Variants in NBAS observed in about 807,000 individuals in gnomAD.
NBAS encodes NAG/BC035112 fusion.
NBAS carries 219 observed loss-of-function variants against 302.5 expected under a neutral mutation model. The ratio of observed to expected loss-of-function variants is 0.72; its 90% CI spans 0.65 to 0.81. The LOEUF (loss-of-function observed/expected upper bound fraction) is 0.81, where lower values mean the gene tolerates loss of function less well. Among genes scored for constraint, NBAS ranks in the 30% least tolerant of loss-of-function variants. NBAS has a pLI of 0.00. For missense variants in NBAS, 2,932 were observed against 2,841.6 expected, an observed-to-expected ratio of 1.03 and a Z score of -0.72; for synonymous variants, 1,118 against 1,021.6, an observed-to-expected ratio of 1.09 and a Z score of -1.80.
intron 28 of NBAS, among the ~76,000 whole-genome samples, chr2:15,393,300 T>C (rs1409828519): frequency 6.6e-6 from 1 of 151,976 alleles, no homozygotes; most frequent in Non-Finnish European, 1.5e-5. Flanking sequence ...GCAAAGCATA[T>C]ATCTAATAAA....
chr2:15,129,689 C>T, the NBAS span, among the ~76,000 whole-genome samples: 1 of 152,218 alleles, frequency 6.6e-6, no homozygotes, highest in Non-Finnish European at 1.5e-5. Flanking sequence ...TGGACATTCT[C>T]AGAACCTGGC....
chr2:15,034,039 G>GAA, the NBAS span, among the ~76,000 whole-genome samples: 15 of 84,592 alleles, frequency 1.8e-4, no homozygotes, highest in Non-Finnish European at 2.7e-4. Flanking sequence ...GGAGGAGGAA[G>GAA]GAGGAGGAGG....
At chr2:14,846,729 A>G in the NBAS span, among the ~76,000 whole-genome samples, 1 of 152,174 alleles carries the variant, frequency 6.6e-6, no homozygotes, top group African/African-American at 2.4e-5. Context: ...TTATGAAAAG[A>G]GAATTAAGTT....
chr2:15,080,967 G>A, the NBAS span, among the ~76,000 whole-genome samples: 1 of 152,018 alleles, frequency 6.6e-6, no homozygotes, highest in African/African-American at 2.4e-5. Flanking sequence ...AGCCCTTGAT[G>A]GACAGCTGCC....
At chr2:15,455,978 T>A (rs1205610057) in intron 21 of NBAS, among the ~76,000 whole-genome samples, 1 of 152,100 alleles carries the variant, frequency 6.6e-6, no homozygotes, top group Non-Finnish European at 1.5e-5. Context: ...CTCTATTATC[T>A]CAAGTTGTGG....
At chr2:15,454,793 T>C (rs1679173630) in intron 21 of NBAS, among the ~76,000 whole-genome samples, 1 of 152,192 alleles carries the variant, frequency 6.6e-6, no homozygotes, top group Admixed American at 6.5e-5. Context: ...ACTGCCACTC[T>C]TCTGATACTC....
At chr2:15,159,931 T>C in the NBAS span, among the ~76,000 whole-genome samples, 16 of 152,252 alleles carry the variant, frequency 1.1e-4, no homozygotes, top group Middle Eastern at 3.4e-3. Flanking sequence ...GGGGATATTG[T>C]TTCATCTCTG....
intron 7 of NBAS, 71 bp from the exon 8 acceptor site, chr2:15,536,622 G>A: frequency 4.5e-6 from 6 of 1,319,374 alleles, no homozygotes; most frequent in Non-Finnish European, 6.4e-6. Flanking sequence ...TGCATAATTA[G>A]AGAATATCTG....
At chr2:14,841,861 C>T in the NBAS span, among the ~76,000 whole-genome samples, 3 of 151,978 alleles carry the variant, frequency 2.0e-5, no homozygotes, top group Non-Finnish European at 4.4e-5. Context: ...ATTTACAGAA[C>T]ATTTCACCCA....
At chr2:15,433,743 C>T (rs1677874522) in intron 21 of NBAS, among the ~76,000 whole-genome samples, 2 of 152,060 alleles carry the variant, frequency 1.3e-5, no homozygotes, top group African/African-American at 4.8e-5. Context: ...TAAAGGAGAA[C>T]TAGTTTGTTA....
In NBAS at chr2:15,444,655, G is replaced by A. The variant is rs546195606; in HGVS notation, c.2339+16546C>T. ...CAACAAAAGCCAAAATTGACAAATAGGATCTAATTAAACTAAAGAGCTTCT... is the reference window on the plus strand; with the variant it reads ...CAACAAAAGCCAAAATTGACAAATAAGATCTAATTAAACTAAAGAGCTTCT... On this transcript the variant is annotated intron_variant, in intron 21 of 51. Coordinates refer to ENST00000281513, the MANE Select transcript of NBAS (RefSeq NM_015909.4). 7.2e-5 allele frequency among the ~76,000 whole-genome samples: 11 copies of A among 152,162 alleles called. 1 individual carries two copies. The South Asian group carries it at 1.5e-3, about 20-fold the overall frequency.
At chr2:15,429,364 T>C (rs1430176831) in intron 21 of NBAS, among the ~76,000 whole-genome samples, 1 of 152,252 alleles carries the variant, frequency 6.6e-6, no homozygotes, top group Non-Finnish European at 1.5e-5. Context: ...TTTCTGAGTA[T>C]CAATAGTAGC....
chr2:15,529,522 C>T (rs1043550806), intron 9 of NBAS, among the ~76,000 whole-genome samples: 1 of 151,990 alleles, frequency 6.6e-6, no homozygotes, highest in African/African-American at 2.4e-5. Context: ...ACCAAAAAAT[C>T]AAGCTGAACT....
At chr2:15,490,016 G>A (rs1466113350) in intron 11 of NBAS, among the ~76,000 whole-genome samples, 1 of 152,222 alleles carries the variant, frequency 6.6e-6, no homozygotes, top group East Asian at 1.9e-4. Flanking sequence ...AACAGAACTT[G>A]GTAGCAGATG....
chr2:15,451,486 T>C (rs1051817673), intron 21 of NBAS, among the ~76,000 whole-genome samples: 13 of 152,168 alleles, frequency 8.5e-5, no homozygotes, highest in Admixed American at 7.9e-4. Flanking sequence ...GCCTACAGTA[T>C]AGTAAAAAGT....
intron 31 of NBAS, among the ~76,000 whole-genome samples, chr2:15,370,752 T>C (rs1031625255): frequency 2.0e-5 from 3 of 152,224 alleles, no homozygotes; most frequent in Non-Finnish European, 4.4e-5. Context: ...ATTTCTCCCA[T>C]TTGGAATGGA....
chr2:15,311,970 C>T (rs984501343), intron 38 of NBAS, among the ~76,000 whole-genome samples: 1 of 152,070 alleles, frequency 6.6e-6, no homozygotes, highest in Non-Finnish European at 1.5e-5. Flanking sequence ...CTCCCTCTTT[C>T]CTCAAGTCCC....
chr2:15,376,215 A>G (rs902310934), intron 30 of NBAS, among the ~76,000 whole-genome samples: 1 of 152,122 alleles, frequency 6.6e-6, no homozygotes, highest in Admixed American at 6.6e-5. Flanking sequence ...ATTCAATATA[A>G]CTGTGAACAC....
the NBAS span, among the ~76,000 whole-genome samples, chr2:14,970,914 T>C: frequency 1.3e-5 from 2 of 152,174 alleles, no homozygotes; most frequent in African/African-American, 4.8e-5. Flanking sequence ...TCACATAAGC[T>C]GGAGCAGTGC....
Sources: gnomAD v4.1 joint callset for allele counts (sites outside exome capture counted in the v4.1 genomes callset) on GRCh38, gnomAD v4.1.1 for gene constraint, MANE v1.5 for transcripts, NCBI Gene and HGNC (gene_info 2026-07-23, HGNC 2026-07-21) for gene names.